RYR3: variants seen among roughly 807,000 people sequenced by gnomAD.
RYR3 encodes the protein ryanodine receptor 3.
RYR3 carries 207 observed loss-of-function variants against 584.3 expected under a neutral mutation model. The ratio of observed to expected loss-of-function variants is 0.35; its 90% CI spans 0.32 to 0.40. The LOEUF (loss-of-function observed/expected upper bound fraction) is 0.40. RYR3 is among the 10% of genes least tolerant of loss of function. The pLI is 1.00. For synonymous variants in RYR3, 2,416 were observed against 2,248.5 expected (o/e 1.07, Z -2.11); for missense variants, 5,616 against 6,089.2 (o/e 0.92, Z 2.59).
intron 65 of RYR3, among the ~76,000 whole-genome samples, chr15:33,781,406 A>G (rs2074371327): frequency 6.6e-6 from 1 of 152,198 alleles, no homozygotes; most frequent in African/African-American, 2.4e-5. Context: ...AAATATTGCT[A>G]TACACTACCA....
chr15:33,826,314 T>C (rs2077377510), intron 83 of RYR3, 45 bp downstream of exon 83: 1 of 1,599,262 alleles, frequency 6.3e-7, no homozygotes, highest in African/African-American at 1.3e-5. Context: ...GTGTGAATCC[T>C]AGGAGATCTC....
intron 98 of RYR3, among the ~76,000 whole-genome samples, chr15:33,855,186 C>G (rs1009885369): frequency 6.6e-6 from 1 of 151,504 alleles, no homozygotes; most frequent in Non-Finnish European, 1.5e-5. Flanking sequence ...ATGGACATGT[C>G]AGAATGACCT....
At chr15:33,751,840 C>G (rs1183482227) in intron 57 of RYR3, among the ~76,000 whole-genome samples, 1 of 151,610 alleles carries the variant, frequency 6.6e-6, no homozygotes, top group East Asian at 1.9e-4. Context: ...CCTAGGTTTT[C>G]TTCTAGGGCT....
chr15:33,599,457 C>G (rs2059555863), intron 16 of RYR3, among the ~76,000 whole-genome samples: 1 of 152,120 alleles, frequency 6.6e-6, no homozygotes, highest in African/African-American at 2.4e-5. Context: ...TACACTGGTT[C>G]AGTCTGGAAA....
chr15:33,473,645 C>T lies in RYR3; in HGVS notation c.171+107C>T, dbSNP rs967806406. Reference sequence around the variant, plus strand: ...GTGATGAGGACGACATTTGAAAGGACACATTTATTTTTTAAATGGGAAGCA... The same window carrying T: ...GTGATGAGGACGACATTTGAAAGGATACATTTATTTTTTAAATGGGAAGCA... On this transcript the variant is annotated intron_variant, in intron 2 of 103. Coordinates refer to ENST00000634891, the MANE Select transcript of RYR3 (RefSeq NM_001036.6). 6.1e-6 allele frequency: 7 copies of T among 1,138,948 alleles called. No homozygotes were observed. In the Admixed American group the frequency reaches 7.1e-5, roughly 12 times the overall value. 70.6% of individuals were successfully genotyped at this position (1,138,948 alleles called of 1,614,324 possible).
In RYR3 at chr15:33,736,316, G is replaced by A; in HGVS notation, c.7506G>A (p.Met2502Ile). Residue 2502 changes from methionine to isoleucine, a missense_variant, in exon 49 of 104, where the codon ATG becomes ATA. Transcript: ENST00000634891. ...CGCAACTCAATGAATACTGCAAAAT[G>A]CCTCTCAAGGTAAACATCACTATTG... ...DVPQLNEYCK[M>I]PLKLLTNHYE... 6.2e-7 allele frequency: 1 copy of A among 1,608,858 alleles called. No homozygotes were observed. Among genetic ancestry groups the A allele is most frequent in the South Asian group, 1.1e-5 (1 of 90,162 alleles).
chr15:33,755,039 C>T, intron 57 of RYR3, 26 bp from the exon 58 acceptor site: 1 of 1,328,346 alleles, frequency 7.5e-7, no homozygotes, highest in Non-Finnish European at 1.1e-6. Context: ...CTGTTACTTC[C>T]TGGGGTCTGT....
intron 1 of RYR3, among the ~76,000 whole-genome samples, chr15:33,384,927 C>T (rs143138920): frequency 1.2e-3 from 185 of 152,102 alleles, no homozygotes; most frequent in African/African-American, 4.2e-3. Flanking sequence ...AACACTATAG[C>T]GGAAGCATTT....
At chr15:33,391,562 C>T (rs2041998354) in intron 1 of RYR3, among the ~76,000 whole-genome samples, 1 of 150,574 alleles carries the variant, frequency 6.6e-6, no homozygotes, top group South Asian at 2.1e-4. Context: ...GGAGGCAGAA[C>T]TTGCAGTGAG....
intron 60 of RYR3, among the ~76,000 whole-genome samples, chr15:33,762,198 T>C (rs1466132443): frequency 6.6e-6 from 1 of 152,176 alleles, no homozygotes; most frequent in Admixed American, 6.5e-5. Context: ...ACCGGCACTG[T>C]ACAGGGATGC....
At chr15:33,348,663 A>T (rs932188044) in intron 1 of RYR3, among the ~76,000 whole-genome samples, 1 of 151,922 alleles carries the variant, frequency 6.6e-6, no homozygotes, top group Non-Finnish European at 1.5e-5. Context: ...TTTAGTAGAG[A>T]CAAGGTTTCA....
At chr15:33,667,156 A>G (rs889598190) in intron 36 of RYR3, among the ~76,000 whole-genome samples, 10 of 152,152 alleles carry the variant, frequency 6.6e-5, no homozygotes, top group Admixed American at 3.3e-4. Context: ...CCTCCTAACA[A>G]TGCTACACAA....
At chr15:33,643,132 A>G (rs896699961) in intron 27 of RYR3, among the ~76,000 whole-genome samples, 4 of 152,142 alleles carry the variant, frequency 2.6e-5, no homozygotes, top group Admixed American at 1.3e-4. Flanking sequence ...AATGCTCCCA[A>G]AATTGGCTTT....
intron 70 of RYR3, among the ~76,000 whole-genome samples, chr15:33,809,121 T>C (rs2152941785): frequency 6.6e-6 from 1 of 152,320 alleles, no homozygotes; most frequent in East Asian, 1.9e-4. Flanking sequence ...CAAGACACTG[T>C]TAATTCTGAC....
chr15:33,748,202 A>T lies in RYR3; in HGVS notation c.8078A>T (p.Glu2693Val), dbSNP rs1431357252. The T allele has an allele frequency of 2.5e-6, 4 of 1,613,688 alleles. No individual in the cohort carries two copies. The East Asian group carries it at 6.7e-5, about 27-fold the overall frequency. Residue 2693 changes from glutamate to valine, a missense_variant, in exon 54 of 104, where the codon GAA (glutamate) becomes GTA (valine). Transcript: ENST00000634891. ...GWTVERTKEG[E>V]ALVQQRENEK... is the part of the protein sequence containing the mutation. ...ACTGTGGAGAGGACCAAAGAGGGAGAAGCTTTGGTTCAACAGCGGGAAAAT... is the reference window on the plus strand; with the variant it reads ...ACTGTGGAGAGGACCAAAGAGGGAGTAGCTTTGGTTCAACAGCGGGAAAAT...
rs191980061 is a variant in RYR3, at chr15:33,739,894, G to A, written c.7719G>A (p.Leu2573=). The part of the protein sequence containing the change: ...LPCLSAIAGA[L]PPDYLDTRIT... ...GTCTCAGTGCTATAGCTGGGGCCTT[G>A]CCACCAGATTATTTAGATACCAGAA... The change falls in exon 51 of 104, where the codon TTG becomes TTA. Residue 2573 remains leucine, a synonymous_variant. Transcript: ENST00000634891. 56 of 1,613,682 alleles carry A rather than the reference G, an allele frequency of 3.5e-5. No homozygotes were observed. In the Admixed American group the frequency reaches 6.8e-4, roughly 20 times the overall value.
rs1453231905 is a variant in RYR3 at position 33,571,875 on chromosome 15, A to G, written c.1268+5076A>G. Among the ~76,000 whole-genome samples, 3 of 152,028 alleles carry G rather than the reference A, an allele frequency of 2.0e-5. No homozygotes were observed. In the South Asian group the frequency reaches 6.2e-4, roughly 32 times the overall value. ...TTCTTTTGTTATTTTTTGGTCCTCT[A>G]TTCCTCCCTTACTACCTTTTTTTGT... On this transcript the variant is annotated intron_variant, in intron 12 of 103. Coordinates refer to ENST00000634891, the MANE Select transcript of RYR3 (RefSeq NM_001036.6).
chr15:33,490,230 C>G (rs2142491076), intron 2 of RYR3, among the ~76,000 whole-genome samples: 1 of 152,138 alleles, frequency 6.6e-6, no homozygotes, highest in Non-Finnish European at 1.5e-5. Context: ...GAGCTTTATC[C>G]AAAGCTTTTA....
intron 38 of RYR3, among the ~76,000 whole-genome samples, chr15:33,682,062 T>A (rs2064665955): frequency 6.6e-6 from 1 of 152,222 alleles, no homozygotes; most frequent in South Asian, 2.1e-4. Context: ...ACCTTTCCTT[T>A]ATGGTAGTTG....
Sources: gnomAD v4.1 joint callset for allele counts (sites outside exome capture counted in the v4.1 genomes callset) on GRCh38, gnomAD v4.1.1 for gene constraint, MANE v1.5 for transcripts, NCBI Gene and HGNC (gene_info 2026-07-23, HGNC 2026-07-21) for gene names.